The following CDH8 variants were observed in gnomAD, a reference collection of about 807,000 sequenced individuals.
The protein encoded by CDH8 is cadherin-8.
A neutral mutation model predicts 68.1 loss-of-function variants in CDH8; 17 were observed. The observed-to-expected ratio is 0.25, with a 90% confidence interval of 0.17 to 0.37. The LOEUF (loss-of-function observed/expected upper bound fraction) is 0.37. CDH8 is among the 10% of genes least tolerant of loss of function. CDH8 has a pLI of 1.00. For synonymous variants in CDH8, 372 were observed against 365.1 expected (o/e 1.02, Z -0.21); for missense variants, 763 against 999.3 (o/e 0.76, Z 3.19).
intron 8 of CDH8, among the ~76,000 whole-genome samples, chr16:61,728,845 G>A (rs1025228804): frequency 6.6e-6 from 1 of 150,600 alleles, no homozygotes; most frequent in Non-Finnish European, 1.5e-5. Flanking sequence ...GTGACTCTGA[G>A]CAATTAATTT....
intron 8 of CDH8, among the ~76,000 whole-genome samples, chr16:61,733,296 G>C (rs949980861): frequency 6.6e-6 from 1 of 151,516 alleles, no homozygotes; most frequent in South Asian, 2.1e-4. Context: ...CATACTTTTG[G>C]GTGTATGTTT....
intron 3 of CDH8, among the ~76,000 whole-genome samples, chr16:61,890,113 G>C (rs1489692407): frequency 6.6e-6 from 1 of 152,188 alleles, no homozygotes; most frequent in Non-Finnish European, 1.5e-5. Context: ...CAGAAGAGTA[G>C]GGTGCAGTTT....
At chr16:61,950,281 G>C (rs7203891) in intron 2 of CDH8, among the ~76,000 whole-genome samples, 14,927 of 152,206 alleles carry the variant, frequency 0.098, 933 homozygotes, top group East Asian at 0.27. Flanking sequence ...GAAGGTGCAA[G>C]AGATAAGACA....
chr16:61,899,528 A>G (rs1963930018), intron 3 of CDH8, among the ~76,000 whole-genome samples: 1 of 152,074 alleles, frequency 6.6e-6, no homozygotes, highest in Non-Finnish European at 1.5e-5. Context: ...AAGAAACAGG[A>G]GGAGAAAATG....
intron 7 of CDH8, among the ~76,000 whole-genome samples, chr16:61,794,293 A>C (rs1174871909): frequency 6.6e-6 from 1 of 151,862 alleles, no homozygotes; most frequent in Non-Finnish European, 1.5e-5. Context: ...CTCACAAAAA[A>C]CACGGGTCCA....
chr16:61,761,478 TC>T (rs1251133383), intron 8 of CDH8, among the ~76,000 whole-genome samples: 2 of 152,186 alleles, frequency 1.3e-5, no homozygotes, highest in Non-Finnish European at 2.9e-5. Flanking sequence ...ATCCACATGA[TC>T]CTTTGAGTTG....
rs149456091 is a variant in CDH8, at chr16:61,717,673, A to T, written c.1537-3715T>A. On this transcript the variant is annotated intron_variant, in intron 9 of 11. Coordinates refer to ENST00000577390, the MANE Select transcript of CDH8 (RefSeq NM_001796.5). ...TAGCTGTATCACAGGATCTATTAGA[A>T]CCTCTTCCGTGAGTTCCTGTAGATA... is the stretch of plus-strand genomic sequence containing the variant. Among the ~76,000 whole-genome samples, 106 of 151,450 alleles carry T rather than the reference A, an allele frequency of 7.0e-4. 2 individuals carry two copies. In the South Asian group the frequency reaches 0.013, roughly 19 times the overall value.
chr16:62,005,460 G>A (rs572030995), intron 2 of CDH8, among the ~76,000 whole-genome samples: 29 of 152,178 alleles, frequency 1.9e-4, no homozygotes, highest in African/African-American at 5.8e-4. Flanking sequence ...CAGGGAGGCC[G>A]GGTGCTGTGG....
Position 61,743,697 on chromosome 16 carries a change from T to C in CDH8, c.1415-16482A>G, listed in dbSNP as rs574408751. On this transcript the variant is annotated intron_variant, in intron 8 of 11. Coordinates refer to ENST00000577390, the MANE Select transcript of CDH8 (RefSeq NM_001796.5). ...TTTTCACCTTTCTGCTACTTTTTAA[T>C]TTTAATTTTCTTCTCATTTTCAGCC... Among the ~76,000 whole-genome samples, 5 of 152,324 alleles carry C rather than the reference T, an allele frequency of 3.3e-5. No individual in the cohort carries two copies. In the South Asian group the frequency reaches 1.0e-3, roughly 32 times the overall value.
At chr16:61,842,054 A>ATGT (rs1962694997) in intron 4 of CDH8, among the ~76,000 whole-genome samples, 1 of 132,426 alleles carries the variant, frequency 7.6e-6, no homozygotes, top group African/African-American at 2.9e-5. Flanking sequence ...CGCCCGGCTA[A>ATGT]TTTTTTTTTT....
At chr16:61,967,164 G>A (rs1341196266) in intron 2 of CDH8, among the ~76,000 whole-genome samples, 2 of 152,150 alleles carry the variant, frequency 1.3e-5, no homozygotes, top group African/African-American at 2.4e-5. Flanking sequence ...CTGTGCCACT[G>A]CACTCCAGAT....
chr16:61,768,314 TTCTCTCTCTCTCTCTCTCTCTCTCTCTC>T (rs1206629963), intron 8 of CDH8, among the ~76,000 whole-genome samples: 59 of 17,198 alleles, frequency 3.4e-3, no homozygotes, highest in African/African-American at 0.012. Context: ...GTCTCTCCCT[TTCTCTCTCTCTCTCTCTCTCTCTCTCTC>T]TCTCTCTCTC....
chr16:61,970,251 T>TA, intron 2 of CDH8, among the ~76,000 whole-genome samples: 1 of 152,060 alleles, frequency 6.6e-6, no homozygotes, highest in South Asian at 2.1e-4. Context: ...TTTAGAAACT[T>TA]AAAAAAAGAG....
intron 10 of CDH8, among the ~76,000 whole-genome samples, chr16:61,662,255 T>G (rs1393912880): frequency 1.3e-5 from 2 of 151,856 alleles, no homozygotes; most frequent in Non-Finnish European, 1.5e-5. Flanking sequence ...CAGTCTTTCA[T>G]GTTTTCATTG....
intron 3 of CDH8, among the ~76,000 whole-genome samples, chr16:61,867,096 T>C: frequency 6.6e-6 from 1 of 152,144 alleles, no homozygotes; most frequent in South Asian, 2.1e-4. Flanking sequence ...ACTGAGCCAC[T>C]GAGCTACTGA....
intron 8 of CDH8, 65 bp from the exon 9 acceptor site, chr16:61,727,280 C>CACACA: frequency 6.7e-7 from 1 of 1,489,452 alleles, no homozygotes; most frequent in Non-Finnish European, 9.1e-7. Context: ...ACTCAACTTT[C>CACACA]TCTTGAAAGC....
intron 2 of CDH8, among the ~76,000 whole-genome samples, chr16:61,942,974 C>T (rs1597080503): frequency 2.0e-5 from 3 of 152,110 alleles, no homozygotes; most frequent in South Asian, 2.1e-4. Context: ...GTGGGAAGAT[C>T]GCTTGAGTCC....
chr16:61,803,577 A>G (rs1270211688), intron 7 of CDH8, among the ~76,000 whole-genome samples: 4 of 152,170 alleles, frequency 2.6e-5, no homozygotes, highest in Non-Finnish European at 4.4e-5. Context: ...AGCCCATCTC[A>G]CGTGCAGAGA....
At chr16:61,693,259 G>A (rs1964268010) in intron 10 of CDH8, 1 of 152,154 alleles carries the variant, frequency 6.6e-6, no homozygotes, top group Non-Finnish European at 1.5e-5. Flanking sequence ...AGTTTGGGGA[G>A]AAGAGCAAAC....
Sources: gnomAD v4.1 joint callset for allele counts (sites outside exome capture counted in the v4.1 genomes callset) on GRCh38, gnomAD v4.1.1 for gene constraint, MANE v1.5 for transcripts, NCBI Gene and HGNC (gene_info 2026-07-23, HGNC 2026-07-21) for gene names.